Variants in TBC1D19 observed in about 807,000 individuals in gnomAD.
TBC1D19 encodes the protein TBC1 domain family, member 19.
A neutral mutation model predicts 89.0 loss-of-function variants in TBC1D19; 60 were observed. The observed-to-expected ratio is 0.67, with a 90% CI of 0.55 to 0.84. The LOEUF (loss-of-function observed/expected upper bound fraction) is 0.84. Among genes scored for constraint, TBC1D19 ranks in the 40% least tolerant of loss-of-function variants. The pLI, the probability that TBC1D19 is intolerant of heterozygous loss-of-function variation, is 0.00. For synonymous variants in TBC1D19, 189 were observed against 199.7 expected, an observed-to-expected ratio of 0.95 and a Z score of 0.45; for missense variants, 500 against 610.8, an observed-to-expected ratio of 0.82 and a Z score of 1.91.
At chr4:26,589,809 A>G (rs980632250) in intron 1 of TBC1D19, among the ~76,000 whole-genome samples, 1 of 152,060 alleles carries the variant, frequency 6.6e-6, no homozygotes, top group Non-Finnish European at 1.5e-5. Flanking sequence ...GGGTTTCTGA[A>G]CCTTCCCCAG....
chr4:26,824,520 T>C, the TBC1D19 span, among the ~76,000 whole-genome samples: 7 of 152,250 alleles, frequency 4.6e-5, no homozygotes, highest in African/African-American at 1.4e-4. Context: ...TGTAGTCCTA[T>C]GACTCTGAAA....
the TBC1D19 span, among the ~76,000 whole-genome samples, chr4:26,796,866 C>T: frequency 2.6e-5 from 4 of 151,974 alleles, no homozygotes; most frequent in Non-Finnish European, 5.9e-5. Context: ...GGAAGGTAAA[C>T]AGGTAAACTT....
At chr4:26,846,793 C>G in the TBC1D19 span, among the ~76,000 whole-genome samples, 1 of 152,028 alleles carries the variant, frequency 6.6e-6, no homozygotes, top group Non-Finnish European at 1.5e-5. Context: ...CTTTTTAGTG[C>G]TAGTCTTAAC....
the TBC1D19 span, among the ~76,000 whole-genome samples, chr4:26,822,794 C>G: frequency 6.6e-6 from 1 of 152,182 alleles, no homozygotes; most frequent in African/African-American, 2.4e-5. Flanking sequence ...AAATATTTCC[C>G]ATTCTAAAAT....
At chr4:26,615,928 A>C (rs1003123468) in intron 3 of TBC1D19, among the ~76,000 whole-genome samples, 5 of 152,170 alleles carry the variant, frequency 3.3e-5, no homozygotes, top group African/African-American at 7.2e-5. Flanking sequence ...GATATTCCTG[A>C]AAATTGTTCT....
chr4:26,751,587 C>G (rs1325915270), intron 19 of TBC1D19, among the ~76,000 whole-genome samples: 5 of 152,188 alleles, frequency 3.3e-5, no homozygotes, highest in Admixed American at 3.3e-4. Flanking sequence ...TTGCAGATCT[C>G]TTGTATCTAC....
chr4:26,817,979 A>T, the TBC1D19 span, among the ~76,000 whole-genome samples: 1,900 of 106,856 alleles, frequency 0.018, 35 homozygotes, highest in African/African-American at 0.063. Context: ...AAAAAAAAAA[A>T]AAATATATAT....
intron 11 of TBC1D19, among the ~76,000 whole-genome samples, chr4:26,674,965 G>C (rs553552806): frequency 6.6e-6 from 1 of 151,962 alleles, no homozygotes; most frequent in Non-Finnish European, 1.5e-5. Flanking sequence ...ATCTCCCTCT[G>C]AACAGTTCTG....
the TBC1D19 span, among the ~76,000 whole-genome samples, chr4:26,857,370 C>T: frequency 6.6e-6 from 1 of 152,232 alleles, no homozygotes; most frequent in African/African-American, 2.4e-5. Flanking sequence ...CAGGCTGGAC[C>T]ACCCTGCTGG....
intron 13 of TBC1D19, among the ~76,000 whole-genome samples, chr4:26,709,695 A>G (rs892241446): frequency 1.3e-5 from 2 of 151,948 alleles, no homozygotes; most frequent in South Asian, 4.1e-4. Context: ...GAAATTTACC[A>G]TCCAAGCTTT....
the TBC1D19 span, among the ~76,000 whole-genome samples, chr4:26,786,400 C>T: frequency 2.0e-4 from 30 of 152,190 alleles, no homozygotes; most frequent in Middle Eastern, 3.4e-3. Context: ...TTTGGAAGGC[C>T]GAGGCAGGTG....
chr4:26,655,835 C>G (rs1246519323), intron 7 of TBC1D19, among the ~76,000 whole-genome samples: 1 of 152,236 alleles, frequency 6.6e-6, no homozygotes, highest in African/African-American at 2.4e-5. Flanking sequence ...GAGGCAATGC[C>G]TCGCCCTGCT....
intron 13 of TBC1D19, among the ~76,000 whole-genome samples, chr4:26,697,352 G>A (rs572920557): frequency 6.6e-6 from 1 of 152,208 alleles, no homozygotes; most frequent in East Asian, 1.9e-4. Flanking sequence ...ACAGGCTCTG[G>A]AATTGAGGCA....
chr4:26,688,598 C>T (rs766084526), intron 13 of TBC1D19, among the ~76,000 whole-genome samples, 191 bp downstream of exon 13: 17 of 151,888 alleles, frequency 1.1e-4, no homozygotes, highest in Non-Finnish European at 7.4e-5. Context: ...AATAAGAGTT[C>T]CCAATTGTTT....
At chr4:26,827,779 A>C in the TBC1D19 span, among the ~76,000 whole-genome samples, 3 of 150,266 alleles carry the variant, frequency 2.0e-5, no homozygotes, top group African/African-American at 4.9e-5. Flanking sequence ...GCCTATTTAC[A>C]GGTGCAATAA....
chr4:26,580,924 T>C (rs1739050130), upstream of TBC1D19, among the ~76,000 whole-genome samples: 1 of 152,150 alleles, frequency 6.6e-6, no homozygotes, highest in African/African-American at 2.4e-5. Flanking sequence ...TGACACAGCA[T>C]TATATGAAGA....
chr4:26,700,784 A>G (rs1715255531), intron 13 of TBC1D19, among the ~76,000 whole-genome samples: 1 of 152,160 alleles, frequency 6.6e-6, no homozygotes, highest in African/African-American at 2.4e-5. Context: ...ATTTTATTAC[A>G]TTTCTTTACT....
intron 11 of TBC1D19, among the ~76,000 whole-genome samples, chr4:26,676,402 C>T (rs1712806636): frequency 6.6e-6 from 1 of 152,176 alleles, no homozygotes; most frequent in African/African-American, 2.4e-5. Context: ...TGGTCCTTTC[C>T]TCAACTACTT....
chr4:26,641,357 A>C (rs1019248425), intron 7 of TBC1D19, among the ~76,000 whole-genome samples: 2 of 152,218 alleles, frequency 1.3e-5, no homozygotes, highest in African/African-American at 2.4e-5. Flanking sequence ...AGGAAAACTA[A>C]CAAACAGAAA....
Sources: allele counts gnomAD v4.1 joint callset (sites outside exome capture counted in the v4.1 genomes callset), GRCh38; gene constraint gnomAD v4.1.1; transcripts MANE v1.5; gene names NCBI Gene and HGNC (gene_info 2026-07-23, HGNC 2026-07-21).